ROBO1: variants seen among roughly 807,000 people sequenced by gnomAD.
ROBO1 encodes roundabout guidance receptor 1.
In ROBO1, 149 loss-of-function variants were observed where a neutral mutation model predicts 195.9. That is an observed-to-expected ratio of 0.76 (90% confidence interval 0.67 to 0.87). The LOEUF is 0.87. Ranked by LOEUF, ROBO1 falls within the 40% of genes least tolerant of loss-of-function variation. The pLI, the probability that ROBO1 is intolerant of heterozygous loss-of-function variation, is 0.00. For synonymous variants in ROBO1, 816 were observed against 733.2 expected (o/e 1.11, Z -1.82); for missense variants, 1,933 against 2,068.3 (o/e 0.93, Z 1.27).
chr3:79,099,101 A>T (rs756511404), intron 3 of ROBO1, among the ~76,000 whole-genome samples: 1 of 151,794 alleles, frequency 6.6e-6, no homozygotes, highest in Non-Finnish European at 1.5e-5. Flanking sequence ...TCTAAGCCCT[A>T]ATCTTTTTCA....
chr3:78,647,010 C>G (rs1337718960), intron 20 of ROBO1, among the ~76,000 whole-genome samples: 1 of 152,020 alleles, frequency 6.6e-6, no homozygotes, highest in African/African-American at 2.4e-5. Flanking sequence ...AACTGGAAGT[C>G]TGTTATAGAG....
At chr3:79,302,594 C>G (rs1175819408) in intron 2 of ROBO1, among the ~76,000 whole-genome samples, 1 of 152,086 alleles carries the variant, frequency 6.6e-6, no homozygotes, top group East Asian at 1.9e-4. Context: ...TTCATTTTGA[C>G]TTAATTGATG....
At chr3:78,939,381 G>A (rs11127637) in intron 3 of ROBO1, among the ~76,000 whole-genome samples, 20,581 of 151,608 alleles carry the variant, frequency 0.14, 1,882 homozygotes, top group East Asian at 0.28. Flanking sequence ...TTGGGGGGCC[G>A]AGGCGGGCGG....
At chr3:78,611,793 T>C (rs1048356626) in intron 28 of ROBO1, among the ~76,000 whole-genome samples, 27 of 152,140 alleles carry the variant, frequency 1.8e-4, no homozygotes, top group African/African-American at 5.6e-4. Flanking sequence ...TCCTAATCCA[T>C]AACTGATGTC....
intron 4 of ROBO1, among the ~76,000 whole-genome samples, chr3:78,891,705 G>C (rs757626222): frequency 6.6e-6 from 1 of 152,126 alleles, no homozygotes; most frequent in Non-Finnish European, 1.5e-5. Context: ...GTTCGTACAA[G>C]AATGAATAAA....
At chr3:78,660,025 A>C (rs1452278847) in intron 16 of ROBO1, 1 of 306,272 alleles carries the variant, frequency 3.3e-6, no homozygotes, top group East Asian at 5.9e-5. Context: ...GGTTCAAGCG[A>C]TTCTCCTGCC....
At chr3:78,668,749 GA>G (rs1431477473) in intron 11 of ROBO1, among the ~76,000 whole-genome samples, 184 bp from the exon 12 acceptor site, 1 of 151,802 alleles carries the variant, frequency 6.6e-6, no homozygotes, top group Admixed American at 6.6e-5. Flanking sequence ...CATCAATATA[GA>G]AAAAAAGATT....
intron 4 of ROBO1, among the ~76,000 whole-genome samples, chr3:78,912,937 C>G (rs1186434458): frequency 6.6e-6 from 1 of 152,100 alleles, no homozygotes; most frequent in African/African-American, 2.4e-5. Flanking sequence ...GTCCAATTTT[C>G]TCCTCCTCAC....
chr3:79,398,310 T>G (rs771103251), intron 2 of ROBO1, among the ~76,000 whole-genome samples: 1 of 152,074 alleles, frequency 6.6e-6, no homozygotes, highest in Non-Finnish European at 1.5e-5. Context: ...AGAAAGTGAA[T>G]TACACTAAAA....
At chr3:79,472,103 TA>T (rs1354793593) in intron 2 of ROBO1, among the ~76,000 whole-genome samples, 1 of 151,998 alleles carries the variant, frequency 6.6e-6, no homozygotes, top group Non-Finnish European at 1.5e-5. Flanking sequence ...ATACTAATGA[TA>T]AAAAATTTAT....
intron 2 of ROBO1, among the ~76,000 whole-genome samples, chr3:79,426,109 C>T (rs546888319): frequency 1.1e-4 from 16 of 152,162 alleles, no homozygotes; most frequent in African/African-American, 3.9e-4. Flanking sequence ...TCTAGATACA[C>T]GTGTGTTACA....
chr3:78,697,505 C>G (rs866342123), intron 8 of ROBO1, among the ~76,000 whole-genome samples: 1 of 152,210 alleles, frequency 6.6e-6, no homozygotes, highest in South Asian at 2.1e-4. Context: ...ACCAATGCCA[C>G]AAGAAAAGAT....
chr3:79,192,260 G>A (rs555305847), intron 2 of ROBO1, among the ~76,000 whole-genome samples: 1 of 151,650 alleles, frequency 6.6e-6, no homozygotes, highest in South Asian at 2.1e-4. Flanking sequence ...CACTAATTAA[G>A]TTCACTCATT....
At chr3:78,978,658 C>T (rs1172699976) in intron 3 of ROBO1, among the ~76,000 whole-genome samples, 1 of 152,142 alleles carries the variant, frequency 6.6e-6, no homozygotes, top group Non-Finnish European at 1.5e-5. Flanking sequence ...TCTAGTTCTG[C>T]TGGTGCAGAG....
At chr3:79,693,918 AATTAT>A (rs747863635) in intron 1 of ROBO1, among the ~76,000 whole-genome samples, 52 of 151,774 alleles carry the variant, frequency 3.4e-4, no homozygotes, top group African/African-American at 3.6e-4. Context: ...TGGGTACATA[AATTAT>A]ATTATATTTT....
At chr3:79,728,187 CT>C (rs1327587458) in intron 1 of ROBO1, among the ~76,000 whole-genome samples, 7 of 151,714 alleles carry the variant, frequency 4.6e-5, no homozygotes, top group African/African-American at 1.5e-4. Context: ...AAAGACTGTA[CT>C]TTTTTTATTT....
chr3:78,599,012 A>ATAAT (rs1703007640), intron 30 of ROBO1, 85 bp from the exon 31 acceptor site: 1 of 749,696 alleles, frequency 1.3e-6, no homozygotes, highest in South Asian at 2.4e-5. Flanking sequence ...TATTATTATT[A>ATAAT]TAATTTAATG....
At chr3:78,907,493 T>C (rs2037995183) in intron 4 of ROBO1, among the ~76,000 whole-genome samples, 1 of 152,060 alleles carries the variant, frequency 6.6e-6, no homozygotes, top group Non-Finnish European at 1.5e-5. Context: ...CTCAGGGATG[T>C]ACAGTGAGTT....
At chr3:79,079,786 T>C (rs1209714991) in intron 3 of ROBO1, among the ~76,000 whole-genome samples, 1 of 151,652 alleles carries the variant, frequency 6.6e-6, no homozygotes. Context: ...ATAAAAAACA[T>C]AATAATCTCA....
Sources: gnomAD v4.1 joint callset for allele counts (sites outside exome capture counted in the v4.1 genomes callset) on GRCh38, gnomAD v4.1.1 for gene constraint, MANE v1.5 for transcripts, NCBI Gene and HGNC (gene_info 2026-07-23, HGNC 2026-07-21) for gene names.